Variants in NANOS3 observed in about 807,000 individuals in gnomAD.
NANOS3 encodes nanos C2HC-type zinc finger 3.
NANOS3 carries 11 observed loss-of-function variants against 13.8 expected under a neutral mutation model. That is an observed-to-expected ratio of 0.80 (90% CI 0.50 to 1.32). The LOEUF (loss-of-function observed/expected upper bound fraction) is 1.32, where lower values mean the gene tolerates loss of function less well. Among genes scored for constraint, NANOS3 ranks in the 40% most tolerant of loss-of-function variants. The probability of loss-of-function intolerance (pLI) is 0.00; values close to 1 mark genes in which losing one functional copy is unlikely to be tolerated. For missense variants in NANOS3, 221 were observed against 263.8 expected, an observed-to-expected ratio of 0.84 and a Z score of 1.12; for synonymous variants, 119 against 115.4, an observed-to-expected ratio of 1.03 and a Z score of -0.20.
At chr19:13,866,731 C>T (rs540186513) in intron 1 of NANOS3, among the ~76,000 whole-genome samples, 30 of 152,278 alleles carry the variant, frequency 2.0e-4, no homozygotes, top group African/African-American at 7.2e-4. Flanking sequence ...CAATGACAAA[C>T]GCAGATCCCT....
At chr19:13,863,199 A>T (rs1162374135), upstream of NANOS3, among the ~76,000 whole-genome samples, 1 of 151,318 alleles carries the variant, frequency 6.6e-6, no homozygotes, top group African/African-American at 2.4e-5. Flanking sequence ...TAAGAGAGGA[A>T]CTCTTTCCCC....
Position 13,880,695 on chromosome 19 carries a change from C to CTT in NANOS3, c.*192_*193insTT. On this transcript the variant is annotated 3_prime_UTR_variant, in exon 2 of 2. Transcript: ENST00000339133. Reference sequence around the variant, plus strand: ...GGACCCCACCCTTTGTGCCATCTGCCGTTTCCCTAGTGCTGGGCATCCAGT... The same window carrying CTT: ...GGACCCCACCCTTTGTGCCATCTGCCTTGTTTCCCTAGTGCTGGGCATCCAGT... 1 of 590,402 alleles carries CTT rather than the reference C, an allele frequency of 1.7e-6. No homozygotes were observed. The highest frequency in any genetic ancestry group is 2.1e-5 in the South Asian group (1 of 47,936). The allele number at this position is 590,402 out of a possible 1,614,324, so 36.6% of individuals were successfully genotyped here. A position where few individuals can be genotyped will look rare whatever the true frequency, so the allele number is the denominator to read the frequency against.
At chr19:13,863,849 G>A (rs1230287042), upstream of NANOS3, among the ~76,000 whole-genome samples, 1 of 152,092 alleles carries the variant, frequency 6.6e-6, no homozygotes, top group Middle Eastern at 3.4e-3. Flanking sequence ...GATGTGGGAG[G>A]GTGAACCTGT....
chr19:13,871,280 G>A (rs1976323852), intron 1 of NANOS3, among the ~76,000 whole-genome samples: 1 of 152,168 alleles, frequency 6.6e-6, no homozygotes, highest in South Asian at 2.1e-4. Flanking sequence ...CAGGTGCACG[G>A]GCTGGGCAGG....
intron 1 of NANOS3, among the ~76,000 whole-genome samples, chr19:13,880,027 C>CA (rs1469623956): frequency 2.6e-5 from 4 of 151,268 alleles, no homozygotes; most frequent in East Asian, 1.9e-4. Flanking sequence ...CTCCGTCTCA[C>CA]AAAAAAAAGA....
At chr19:13,870,996 AAAG>A (rs1976319496) in intron 1 of NANOS3, among the ~76,000 whole-genome samples, 1 of 151,928 alleles carries the variant, frequency 6.6e-6, no homozygotes, top group African/African-American at 2.4e-5. Flanking sequence ...AACTAAGGAT[AAAG>A]AAGAAGCAAA....
chr19:13,862,489 CG>C (rs566428008), upstream of NANOS3, among the ~76,000 whole-genome samples: 1 of 151,798 alleles, frequency 6.6e-6, no homozygotes, highest in East Asian at 1.9e-4. Flanking sequence ...GGAGAAGAGA[CG>C]GGGGGAAAGG....
At chr19:13,878,948 G>T (rs1324095987) in intron 1 of NANOS3, among the ~76,000 whole-genome samples, 1 of 142,346 alleles carries the variant, frequency 7.0e-6, no homozygotes, top group African/African-American at 2.6e-5. Flanking sequence ...TCTTTTATTT[G>T]ATTATTTTTC....
upstream of NANOS3, among the ~76,000 whole-genome samples, chr19:13,865,183 G>A (rs986819686): frequency 3.0e-4 from 45 of 150,898 alleles, no homozygotes; most frequent in African/African-American, 1.1e-3. Context: ...GGGGAGGAGG[G>A]AGGGGGCGGC....
intron 1 of NANOS3, 121 bp downstream of exon 1, chr19:13,877,886 G>T: frequency 1.4e-6 from 2 of 1,423,814 alleles, no homozygotes; most frequent in Non-Finnish European, 1.8e-6. Context: ...AGAGAGCTTA[G>T]AACAGCAGTT....
chr19:13,870,878 C>T (rs1976317664), intron 1 of NANOS3, among the ~76,000 whole-genome samples: 1 of 151,946 alleles, frequency 6.6e-6, no homozygotes, highest in Non-Finnish European at 1.5e-5. Flanking sequence ...CCGTGCCCGG[C>T]TCATAACGTG....
intron 1 of NANOS3, among the ~76,000 whole-genome samples, chr19:13,879,899 G>A (rs533109914): frequency 1.3e-5 from 2 of 152,266 alleles, no homozygotes; most frequent in African/African-American, 2.4e-5. Flanking sequence ...GGTGGCATGC[G>A]CCTGTAATCC....
intron 1 of NANOS3, among the ~76,000 whole-genome samples, chr19:13,865,927 G>GGC (rs1976231343): frequency 6.6e-6 from 1 of 151,866 alleles, no homozygotes; most frequent in Non-Finnish European, 1.5e-5. Context: ...AGTACGGCCC[G>GGC]GCGCGCGCGC....
At chr19:13,874,875 GTCCCC>G (rs759861248), upstream of NANOS3, 50 of 524,632 alleles carry the variant, frequency 9.5e-5, no homozygotes, top group Non-Finnish European at 1.8e-4. Context: ...GCCTGGGCAC[GTCCCC>G]TCCCCTAGGC....
upstream of NANOS3, among the ~76,000 whole-genome samples, chr19:13,876,578 G>C (rs1387390884): frequency 2.0e-5 from 3 of 152,266 alleles, no homozygotes; most frequent in South Asian, 2.1e-4. Flanking sequence ...AGGGAGACCA[G>C]AGCTGGGGGC....
intron 1 of NANOS3, among the ~76,000 whole-genome samples, chr19:13,871,635 A>G (rs1419789060): frequency 6.6e-6 from 1 of 151,718 alleles, no homozygotes; most frequent in Admixed American, 6.6e-5. Flanking sequence ...TGTCTGGGGA[A>G]CCCCCTCCAA....
chr19:13,873,926 G>A (rs1424635297), upstream of NANOS3, among the ~76,000 whole-genome samples: 1 of 151,980 alleles, frequency 6.6e-6, no homozygotes, highest in Non-Finnish European at 1.5e-5. Flanking sequence ...GGTGGTCGCC[G>A]AACTCTGTGC....
chr19:13,867,466 G>C (rs936691072), intron 1 of NANOS3, among the ~76,000 whole-genome samples: 2 of 148,984 alleles, frequency 1.3e-5, no homozygotes, highest in African/African-American at 4.9e-5. Flanking sequence ...AGTTTTGCCG[G>C]TTGCCCAGGC....
upstream of NANOS3, chr19:13,875,023 C>G (rs1288921611): frequency 4.4e-6 from 2 of 452,124 alleles, no homozygotes; most frequent in Non-Finnish European, 9.1e-6. Flanking sequence ...GGGGACAGGA[C>G]CCCCCACCGC....
Sources: allele counts gnomAD v4.1 joint callset (sites outside exome capture counted in the v4.1 genomes callset), GRCh38; gene constraint gnomAD v4.1.1; transcripts MANE v1.5; gene names NCBI Gene and HGNC (gene_info 2026-07-23, HGNC 2026-07-21).